The following BIN1 variants were observed in gnomAD, a reference collection of about 807,000 sequenced individuals.
BIN1 encodes the protein myc box-dependent-interacting protein 1.
In BIN1, 53 loss-of-function variants were observed where a neutral mutation model predicts 82.0. The ratio of observed to expected loss-of-function variants is 0.65; its 90% confidence interval spans 0.52 to 0.81. The LOEUF (loss-of-function observed/expected upper bound fraction) is 0.81. BIN1 is among the 40% of genes least tolerant of loss of function. The pLI is 0.00. For missense variants in BIN1, 642 were observed against 784.4 expected, an observed-to-expected ratio of 0.82 and a Z score of 2.17; for synonymous variants, 302 against 328.0, an observed-to-expected ratio of 0.92 and a Z score of 0.86.
At chr2:127,054,152 T>G in intron 12 of BIN1, 140 bp from the exon 13 acceptor site, 1 of 719,438 alleles carries the variant, frequency 1.4e-6, no homozygotes, top group Non-Finnish European at 2.5e-6. Context: ...CAAGCGCACA[T>G]ACACGCACAC....
At chr2:127,096,510 C>T (rs752298639) in intron 1 of BIN1, among the ~76,000 whole-genome samples, 3 of 152,176 alleles carry the variant, frequency 2.0e-5, no homozygotes, top group Non-Finnish European at 4.4e-5. Context: ...CGCCACACAG[C>T]GGGGGAGCAG....
chr2:127,099,407 C>G (rs909768754), intron 1 of BIN1, among the ~76,000 whole-genome samples: 5 of 151,988 alleles, frequency 3.3e-5, no homozygotes, highest in African/African-American at 1.2e-4. Flanking sequence ...TGGTTCTTTC[C>G]CCCCCAGGAA....
chr2:127,074,570 G>A (rs1307889716), intron 2 of BIN1, among the ~76,000 whole-genome samples: 4 of 152,242 alleles, frequency 2.6e-5, no homozygotes, highest in African/African-American at 4.8e-5. Context: ...CCCAGAGTCA[G>A]AGACCCAGAG....
rs1685424334 is a variant in BIN1, at chr2:127,068,376, AG to A, written c.520-122del. 1.4e-6 allele frequency: 1 copy of A among 725,954 alleles called. No homozygotes were observed. The highest frequency in any genetic ancestry group is 2.3e-6 in the Non-Finnish European group (1 of 435,650). 45.0% of individuals were successfully genotyped at this position (725,954 alleles called of 1,614,324 possible). On this transcript the variant is annotated intron_variant, in intron 6 of 18. Transcript: ENST00000316724. This position sits in a 1 kb window ranked among gnomAD's most constrained non-coding sequence, Gnocchi z 4.9. ...CCCACGCGCGGGGGCCACCCCAAGC[AG>A]ATATGGGCCCTTGAGGCCGAGAGAA...
chr2:127,064,723 C>A, intron 7 of BIN1: 1 of 160,188 alleles, frequency 6.2e-6, no homozygotes, highest in Non-Finnish European at 1.4e-5. Flanking sequence ...CCACTCCTAG[C>A]CCACACCTTC....
At chr2:127,049,110 G>A (rs1354688471) in intron 18 of BIN1, among the ~76,000 whole-genome samples, 1 of 152,322 alleles carries the variant, frequency 6.6e-6, no homozygotes, top group Non-Finnish European at 1.5e-5. Flanking sequence ...GGTGGGTCAC[G>A]GGGAGCCGTA....
At position 127,082,676 on chromosome 2, in the gene BIN1, A is replaced by G. The variant is rs906726905; in HGVS notation, c.85-5970T>C. Among the ~76,000 whole-genome samples the G allele has an allele frequency of 2.0e-5, 3 of 152,160 alleles. No homozygotes were observed. The highest frequency in any genetic ancestry group is 4.4e-5 in the Non-Finnish European group (3 of 68,022). ...AGATCCCATAGTCACCTAGTTCCCC[A>G]GCACACAACCCCTCCTCCAAGCCCA... On this transcript the variant is annotated intron_variant, in intron 1 of 18. Transcript: ENST00000316724. The surrounding 1 kb of genome is among the most constrained non-coding windows in gnomAD (Gnocchi z 6.1).
chr2:127,063,847 C>T (rs776282398), intron 8 of BIN1, 86 bp downstream of exon 8: 48 of 1,563,118 alleles, frequency 3.1e-5, no homozygotes, highest in Non-Finnish European at 4.0e-5. Context: ...AGCACGCAGG[C>T]TGGGCACCAC....
chr2:127,070,498 G>A, intron 4 of BIN1, 55 bp downstream of exon 4: 5 of 1,593,496 alleles, frequency 3.1e-6, no homozygotes, highest in Non-Finnish European at 4.3e-6. Context: ...AGTGGGACAG[G>A]AGCTGAGACC....
At chr2:127,088,823 G>A (rs530034946) in intron 1 of BIN1, among the ~76,000 whole-genome samples, 2 of 152,182 alleles carry the variant, frequency 1.3e-5, no homozygotes, top group Admixed American at 6.5e-5. Flanking sequence ...TCAGGGAAGT[G>A]ACAGCTGAGC....
At chr2:127,052,084 GC>G (rs1558795996) in intron 15 of BIN1, among the ~76,000 whole-genome samples, 170 bp downstream of exon 15, 2 of 152,240 alleles carry the variant, frequency 1.3e-5, no homozygotes, top group African/African-American at 4.8e-5. Flanking sequence ...CTCATCCCTG[GC>G]AGCCTTGGTG....
chr2:127,053,973 G>A lies in BIN1; in HGVS notation c.1171C>T (p.Leu391=). 1 of 1,551,550 alleles carries A rather than the reference G, an allele frequency of 6.4e-7. No homozygotes were observed. The highest frequency in any genetic ancestry group is 8.7e-7 in the Non-Finnish European group (1 of 1,147,022). The change falls in exon 13 of 19, where the codon CTG becomes TTG. Residue 391 remains leucine, a synonymous_variant. Coordinates refer to ENST00000316724, the MANE Select transcript of BIN1 (RefSeq NM_139343.3). ...GGGAGGGGGTCAAAGTCCAGGTCCA[G>A]CAGACTGGCCTGCTCCGAGAAAGGC... The part of the protein sequence containing the change: ...PGPFSEQASL[L]DLDFDPLPPV...
intron 1 of BIN1, among the ~76,000 whole-genome samples, chr2:127,100,427 T>C (rs538100196): frequency 6.6e-6 from 1 of 152,312 alleles, no homozygotes; most frequent in Admixed American, 6.5e-5. Flanking sequence ...TCTCATTTGC[T>C]TGTCTCCAAG....
chr2:127,071,084 A>AC (rs999636350), intron 2 of BIN1, among the ~76,000 whole-genome samples: 25 of 151,236 alleles, frequency 1.7e-4, no homozygotes, highest in African/African-American at 6.1e-4. Flanking sequence ...GAAGACAAAG[A>AC]CCCCCCTCCG....
chr2:127,106,898 T>C lies in BIN1; in HGVS notation c.46A>G (p.Ser16Gly). The C allele has an allele frequency of 6.2e-7, 1 of 1,612,542 alleles. No individual in the cohort carries two copies. The highest frequency in any genetic ancestry group is 8.5e-7 in the Non-Finnish European group (1 of 1,179,638). Reference sequence around the variant, plus strand: ...CGGGTGAGCTTCTTCTGCACGTTGCTGGCGATCTTTCCCGCCGTCACCCCT... The same window carrying C: ...CGGGTGAGCTTCTTCTGCACGTTGCCGGCGATCTTTCCCGCCGTCACCCCT... ...SKGVTAGKIA[S>G]NVQKKLTRAQ... The change falls in exon 1 of 19, where the codon AGC becomes GGC. Residue 16 changes from serine to glycine, a missense_variant. Transcript: ENST00000316724.
intron 1 of BIN1, among the ~76,000 whole-genome samples, chr2:127,091,162 G>C (rs894755462): frequency 2.6e-5 from 4 of 152,138 alleles, no homozygotes; most frequent in African/African-American, 9.7e-5. Context: ...ATTCAAAGGA[G>C]TGAATGCCCA....
At chr2:127,071,699 G>A (rs972546506) in intron 2 of BIN1, among the ~76,000 whole-genome samples, 1 of 152,212 alleles carries the variant, frequency 6.6e-6, no homozygotes, top group Non-Finnish European at 1.5e-5. Context: ...GAAGTTTCCA[G>A]AAGCCACGTG....
At chr2:127,096,063 G>A (rs1573791966) in intron 1 of BIN1, among the ~76,000 whole-genome samples, 2 of 152,168 alleles carry the variant, frequency 1.3e-5, no homozygotes, top group East Asian at 3.9e-4. Flanking sequence ...CAGTGAGCAA[G>A]TGAGTGAATG....
chr2:127,085,087 G>A (rs1242714651), intron 1 of BIN1, among the ~76,000 whole-genome samples: 2 of 152,094 alleles, frequency 1.3e-5, no homozygotes, highest in Non-Finnish European at 2.9e-5. Flanking sequence ...TGGGAGGGGA[G>A]GGCACCCAGA....
Sources: allele counts gnomAD v4.1 joint callset (sites outside exome capture counted in the v4.1 genomes callset), GRCh38; gene constraint gnomAD v4.1.1; non-coding constraint Gnocchi (gnomAD v3.1); transcripts MANE v1.5; gene names NCBI Gene and HGNC (gene_info 2026-07-23, HGNC 2026-07-21).